The following POLN variants were observed in gnomAD, a reference collection of about 807,000 sequenced individuals.
POLN encodes DNA polymerase N.
A neutral mutation model predicts 113.5 loss-of-function variants in POLN; 108 were observed. The observed-to-expected ratio is 0.95, with a 90% confidence interval of 0.81 to 1.12. The LOEUF (loss-of-function observed/expected upper bound fraction) is 1.12. Ranked by LOEUF, POLN falls within the 50% of genes most tolerant of loss-of-function variation. The pLI is 0.00. For missense variants in POLN, 1,097 were observed against 1,077.1 expected, an observed-to-expected ratio of 1.02 and a Z score of -0.26; for synonymous variants, 386 against 391.5, an observed-to-expected ratio of 0.99 and a Z score of 0.17.
intron 5 of POLN, among the ~76,000 whole-genome samples, chr4:2,199,616 G>A (rs762166829): frequency 1.3e-4 from 20 of 151,874 alleles, no homozygotes; most frequent in Admixed American, 3.9e-4. Context: ...TTGCTCTGTC[G>A]CCCAGGCTGG....
intron 3 of POLN, chr4:2,228,635 C>T (rs2108773562): frequency 5.9e-6 from 1 of 168,992 alleles, no homozygotes; most frequent in East Asian, 1.9e-4. Flanking sequence ...CGCACCCGGC[C>T]CCACTGCTTT....
At chr4:2,201,982 T>C (rs1733727538) in intron 5 of POLN, among the ~76,000 whole-genome samples, 1 of 152,014 alleles carries the variant, frequency 6.6e-6, no homozygotes, top group Admixed American at 6.6e-5. Flanking sequence ...CTGAGAGAAA[T>C]AGCCACTACC....
chr4:2,228,505 T>G (rs3762944), intron 3 of POLN: 14,104 of 188,344 alleles, frequency 0.075, 840 homozygotes, highest in African/African-American at 0.17. Flanking sequence ...TCCCAGCTAA[T>G]TTTTTGTATT....
At chr4:2,086,164 G>A (rs1730544688) in intron 20 of POLN, among the ~76,000 whole-genome samples, 1 of 152,150 alleles carries the variant, frequency 6.6e-6, no homozygotes, top group East Asian at 1.9e-4. Context: ...TTCTTGCGAC[G>A]CTGCTGGTAG....
At chr4:2,236,428 T>C in intron 2 of POLN, 1 of 1,612,586 alleles carries the variant, frequency 6.2e-7, no homozygotes, top group Non-Finnish European at 8.5e-7. Context: ...TCTTTTTTCT[T>C]ATTCTCTCCC....
At chr4:2,183,886 TTC>T (rs1733204780) in intron 7 of POLN, among the ~76,000 whole-genome samples, 1 of 132,772 alleles carries the variant, frequency 7.5e-6, no homozygotes, top group South Asian at 2.2e-4. Context: ...TGTTCTTTTT[TTC>T]TTTTTTTTTT....
Position 2,080,187 on chromosome 4 carries a change from G to A in POLN, c.2387+771C>T, listed in dbSNP as rs796629104. 4.3e-5 allele frequency: 42 copies of A among 986,774 alleles called. No homozygotes were observed. In the African/African-American group the frequency reaches 7.0e-4, roughly 16 times the overall value. The allele number at this position is 986,774 out of a possible 1,614,324, so 61.1% of individuals were successfully genotyped here. On this transcript the variant is annotated intron_variant, in intron 23 of 25. Transcript: ENST00000511885. ...ATCCCGCACAAGGAGAACGAGGAGA[G>A]GAGGTGTCTGGGTCACCACTTGCAG...
In POLN at chr4:2,236,149, A is replaced by G. The variant is rs534456591; in HGVS notation, c.-13+5371T>C. ...ATGAAATTGGGGTAATATTTTCCTC[A>G]TGTTAACATTTTCTTTAATATCTTT... On this transcript the variant is annotated intron_variant, in intron 2 of 25. Transcript: ENST00000511885. 4 of 775,860 alleles carry G rather than the reference A, an allele frequency of 5.2e-6. No homozygotes were observed. The African/African-American group carries it at 7.0e-5, about 14-fold the overall frequency. The allele number at this position is 775,860 out of a possible 1,614,324, so 48.1% of individuals were successfully genotyped here.
At chr4:2,146,700 A>C (rs1732151089) in intron 16 of POLN, among the ~76,000 whole-genome samples, 1 of 152,186 alleles carries the variant, frequency 6.6e-6, no homozygotes, top group South Asian at 2.1e-4. Flanking sequence ...CCCTGCACTG[A>C]AATCAGAAGA....
At chr4:2,133,963 G>C (rs1034177533) in intron 16 of POLN, among the ~76,000 whole-genome samples, 1 of 152,142 alleles carries the variant, frequency 6.6e-6, no homozygotes, top group African/African-American at 2.4e-5. Context: ...ATACAAAATA[G>C]TTTTACCGCC....
intron 11 of POLN, among the ~76,000 whole-genome samples, 190 bp from the exon 12 acceptor site, chr4:2,171,371 A>T (rs1160010807): frequency 2.1e-5 from 3 of 142,152 alleles, no homozygotes; most frequent in Non-Finnish European, 4.5e-5. Flanking sequence ...TGGGCAACAT[A>T]GTGCGACCCC....
Position 2,137,257 on chromosome 4 carries a change from T to C in POLN, c.1732-5967A>G, listed in dbSNP as rs138729603. On this transcript the variant is annotated intron_variant, in intron 16 of 25. Coordinates refer to ENST00000511885, the MANE Select transcript of POLN (RefSeq NM_181808.4). The stretch of plus-strand genomic sequence containing the variant: ...TTAAGTAACTTGCTAGAGTAACACA[T>C]CTATTGACTGAGCTGAGATTTGAAC... Among the ~76,000 whole-genome samples, 207 of 152,318 alleles carry C rather than the reference T, an allele frequency of 1.4e-3. 1 individual carries two copies. Among genetic ancestry groups the C allele is most frequent in the Non-Finnish European group, 2.4e-3 (165 of 68,024 alleles).
At chr4:2,078,445 T>G (rs1021212546) in intron 23 of POLN, 70 of 501,910 alleles carry the variant, frequency 1.4e-4, no homozygotes, top group African/African-American at 1.3e-3. Flanking sequence ...GGGCAGACCC[T>G]TGGGGTGGCC....
intron 3 of POLN, among the ~76,000 whole-genome samples, chr4:2,223,755 A>C (rs192926235): frequency 6.6e-6 from 1 of 152,330 alleles, no homozygotes; most frequent in African/African-American, 2.4e-5. Context: ...TTGTGTATCT[A>C]AACATAGGTA....
intron 4 of POLN, among the ~76,000 whole-genome samples, chr4:2,210,610 AATAATAATAATAATAATAAT>A: frequency 7.4e-6 from 1 of 134,652 alleles, no homozygotes; most frequent in East Asian, 2.2e-4. Context: ...TAATAATAAT[AATAATAATAATAATAATAAT>A]AAAAAAAAGA....
intron 10 of POLN, 136 bp downstream of exon 10, chr4:2,174,552 AAAT>A: frequency 1.3e-6 from 1 of 755,274 alleles, no homozygotes; most frequent in East Asian, 2.7e-5. Flanking sequence ...CAGAAAGGGA[AAAT>A]AATAGGCTTG....
intron 19 of POLN, among the ~76,000 whole-genome samples, chr4:2,097,830 A>T (rs1026460678): frequency 2.6e-5 from 4 of 152,144 alleles, no homozygotes; most frequent in Non-Finnish European, 5.9e-5. Context: ...TTGATTCAGC[A>T]TTTGCTTGGT....
In POLN at chr4:2,126,892, G is replaced by A. The variant is rs895510317; in HGVS notation, c.1982+1221C>T. On this transcript the variant is annotated intron_variant, in intron 19 of 25. Transcript: ENST00000511885. The surrounding 1 kb of genome is among the most constrained non-coding windows in gnomAD (Gnocchi z 4.6). ...AGGCCAGAGAGCAGCCAGAGCCCTCGCAGGTCCCCCGCCTTCAGCAAAGAC... is the reference window on the plus strand; with the variant it reads ...AGGCCAGAGAGCAGCCAGAGCCCTCACAGGTCCCCCGCCTTCAGCAAAGAC... Among the ~76,000 whole-genome samples, 1 of 152,160 alleles carries A rather than the reference G, an allele frequency of 6.6e-6. No homozygotes were observed. Among genetic ancestry groups the A allele is most frequent in the African/African-American group, 2.4e-5 (1 of 41,442 alleles).
chr4:2,192,192 G>A (rs1429496496), intron 7 of POLN, among the ~76,000 whole-genome samples: 2 of 150,502 alleles, frequency 1.3e-5, no homozygotes, highest in Non-Finnish European at 2.9e-5. Context: ...GTATATGTTA[G>A]AAATTTTTGA....
Sources: gnomAD v4.1 joint callset for allele counts (sites outside exome capture counted in the v4.1 genomes callset) on GRCh38, gnomAD v4.1.1 for gene constraint, Gnocchi (gnomAD v3.1) non-coding constraint, MANE v1.5 for transcripts, NCBI Gene and HGNC (gene_info 2026-07-23, HGNC 2026-07-21) for gene names.